The following CCDC91 variants were observed in gnomAD, a reference collection of about 807,000 sequenced individuals.
The protein encoded by CCDC91 is coiled-coil domain containing 91.
Under a neutral mutation model 63.2 loss-of-function variants are expected in CCDC91, and 48 were observed. The ratio of observed to expected loss-of-function variants is 0.76; its 90% confidence interval spans 0.60 to 0.97. CCDC91 has a LOEUF of 0.97. CCDC91 is among the 50% of genes least tolerant of loss of function. The pLI is 0.00. For missense variants in CCDC91, 500 were observed against 494.6 expected (o/e 1.01, Z -0.10); for synonymous variants, 167 against 165.8 (o/e 1.01, Z -0.06).
At chr12:28,345,323 A>T (rs1942730362) in intron 6 of CCDC91, among the ~76,000 whole-genome samples, 2 of 152,024 alleles carry the variant, frequency 1.3e-5, no homozygotes, top group Non-Finnish European at 2.9e-5. Flanking sequence ...TTCACTTAAC[A>T]TAACTTAGAT....
At chr12:28,423,821 A>G (rs909096405) in intron 8 of CCDC91, among the ~76,000 whole-genome samples, 4 of 152,182 alleles carry the variant, frequency 2.6e-5, no homozygotes, top group African/African-American at 9.7e-5. Flanking sequence ...AAAAAAGAAA[A>G]AAGATGAGAA....
intron 12 of CCDC91, among the ~76,000 whole-genome samples, chr12:28,544,081 A>AC (rs1555135999): frequency 6.6e-6 from 1 of 151,434 alleles, no homozygotes; most frequent in Non-Finnish European, 1.5e-5. Context: ...TTTTTCAAAC[A>AC]AAGCATGGTC....
At chr12:28,256,147 G>T (rs991160240) in intron 1 of CCDC91, 1 of 152,034 alleles carries the variant, frequency 6.6e-6, no homozygotes, top group African/African-American at 2.4e-5. Context: ...AGGTTAAGGG[G>T]TACATGTGCA....
intron 12 of CCDC91, among the ~76,000 whole-genome samples, chr12:28,507,168 A>AG (rs1231671814): frequency 1.3e-5 from 2 of 151,948 alleles, no homozygotes; most frequent in East Asian, 3.9e-4. Context: ...GGGGTAAAAA[A>AG]CTTCCAGTGT....
chr12:28,228,573 T>C (rs1272653148), intron 1 of CCDC91, among the ~76,000 whole-genome samples: 1 of 152,064 alleles, frequency 6.6e-6, no homozygotes, highest in Non-Finnish European at 1.5e-5. Flanking sequence ...GGAGAGCCAG[T>C]GATTACTTGT....
Position 28,225,274 on chromosome 12 carries a change from T to C in CCDC91, c.-14-31928T>C, listed in dbSNP as rs118033936. On this transcript the variant is annotated intron_variant, in intron 1 of 12. Coordinates refer to ENST00000536442, the MANE Select transcript of CCDC91 (RefSeq NM_018318.5). ...TCTGTGAAACAGTACTGATAGTATC[T>C]GAGGTTGTCATTTGGTTATTTTAGG... Among the ~76,000 whole-genome samples, 80 of 152,332 alleles carry C rather than the reference T, an allele frequency of 5.3e-4. 1 individual carries two copies. In the East Asian group the frequency reaches 0.013, roughly 24 times the overall value.
rs1276792169 is a variant in CCDC91, at chr12:28,412,585, A to G, written c.762+21174A>G. On this transcript the variant is annotated intron_variant, in intron 8 of 12. Transcript: ENST00000536442. ...TCACGGTGAGTGTTACAGCTCTTGA[A>G]GATGGCACGGACCCAAAGAGTGAGA... Among the ~76,000 whole-genome samples the G allele has an allele frequency of 2.0e-5, 3 of 152,254 alleles. No individual in the cohort carries two copies. The East Asian group carries it at 5.8e-4, about 29-fold the overall frequency.
chr12:28,435,860 C>A (rs763813174), intron 8 of CCDC91, among the ~76,000 whole-genome samples: 11 of 151,688 alleles, frequency 7.3e-5, no homozygotes, highest in Non-Finnish European at 1.6e-4. Context: ...ATGTAATGTT[C>A]CTTTTTATCC....
intron 1 of CCDC91, among the ~76,000 whole-genome samples, chr12:28,218,886 T>C (rs896382309): frequency 6.6e-6 from 1 of 152,208 alleles, no homozygotes; most frequent in African/African-American, 2.4e-5. Flanking sequence ...TACTAGTTGA[T>C]ACACATTTGA....
At chr12:28,348,588 G>A (rs1202378615) in intron 6 of CCDC91, among the ~76,000 whole-genome samples, 1 of 152,096 alleles carries the variant, frequency 6.6e-6, no homozygotes, top group Non-Finnish European at 1.5e-5. Flanking sequence ...TTTTTGATGT[G>A]TTACTGTTTT....
intron 12 of CCDC91, among the ~76,000 whole-genome samples, chr12:28,485,425 C>G (rs895346579): frequency 2.0e-5 from 3 of 151,922 alleles, no homozygotes; most frequent in Admixed American, 6.6e-5. Flanking sequence ...CTCAGCCTCC[C>G]AAAGTGCCAG....
chr12:28,283,546 G>A (rs1420879976), intron 3 of CCDC91, among the ~76,000 whole-genome samples: 1 of 151,068 alleles, frequency 6.6e-6, no homozygotes, highest in African/African-American at 2.4e-5. Flanking sequence ...CATTTTTTTT[G>A]TTTCATGAAA....
chr12:28,335,230 C>A, intron 6 of CCDC91, among the ~76,000 whole-genome samples: 1 of 127,814 alleles, frequency 7.8e-6, no homozygotes, highest in Admixed American at 8.3e-5. Flanking sequence ...TAGATAAATA[C>A]ATAGTATACT....
intron 12 of CCDC91, among the ~76,000 whole-genome samples, chr12:28,516,330 T>A (rs116548481): frequency 0.011 from 1,682 of 151,956 alleles, 37 homozygotes; most frequent in African/African-American, 0.039. Flanking sequence ...CTAGGCTGAG[T>A]GTAATAGCTC....
intron 1 of CCDC91, among the ~76,000 whole-genome samples, chr12:28,232,869 T>C (rs1944689138): frequency 1.3e-5 from 2 of 151,086 alleles, no homozygotes; most frequent in South Asian, 4.2e-4. Context: ...TAATCCCAGC[T>C]ACTCAGAAGG....
In CCDC91 at chr12:28,292,497, A is replaced by G. The variant is rs563891067; in HGVS notation, c.110-13152A>G. 4.5e-4 allele frequency among the ~76,000 whole-genome samples: 68 copies of G among 152,212 alleles called. No individual in the cohort carries two copies. In the South Asian group the frequency reaches 5.6e-3, roughly 13 times the overall value. Reference sequence around the variant, plus strand: ...CTGCTTGAAAAGAGGAGATAATGACACCTAACATTGAGTTGAGAGTTGGAG... The same window carrying G: ...CTGCTTGAAAAGAGGAGATAATGACGCCTAACATTGAGTTGAGAGTTGGAG... On this transcript the variant is annotated intron_variant, in intron 3 of 12. Coordinates refer to ENST00000536442, the MANE Select transcript of CCDC91 (RefSeq NM_018318.5).
intron 1 of CCDC91, among the ~76,000 whole-genome samples, chr12:28,215,035 T>C (rs1256055814): frequency 6.6e-6 from 1 of 152,210 alleles, no homozygotes; most frequent in Non-Finnish European, 1.5e-5. Flanking sequence ...TTTTCCTCCT[T>C]AATATGGGTA....
intron 6 of CCDC91, among the ~76,000 whole-genome samples, chr12:28,342,847 T>C (rs553563073): frequency 6.6e-6 from 1 of 152,076 alleles, no homozygotes; most frequent in African/African-American, 2.4e-5. Flanking sequence ...TTTATAAGAA[T>C]GGAGTAAAGA....
At chr12:28,361,258 G>A (rs1943860867) in intron 6 of CCDC91, among the ~76,000 whole-genome samples, 2 of 151,552 alleles carry the variant, frequency 1.3e-5, no homozygotes, top group Admixed American at 6.6e-5. Context: ...GTATACATGT[G>A]CCATGCTGGT....
Sources: allele counts gnomAD v4.1 joint callset (sites outside exome capture counted in the v4.1 genomes callset), GRCh38; gene constraint gnomAD v4.1.1; transcripts MANE v1.5; gene names NCBI Gene and HGNC (gene_info 2026-07-23, HGNC 2026-07-21).